The following KCNJ6 variants were observed in gnomAD, a reference collection of about 807,000 sequenced individuals.
KCNJ6 encodes G protein-activated inward rectifier potassium channel 2.
A neutral mutation model predicts 34.2 loss-of-function variants in KCNJ6; 9 were observed. The observed-to-expected ratio is 0.26, with a 90% confidence interval of 0.16 to 0.46. The LOEUF is 0.46. Among genes scored for constraint, KCNJ6 ranks in the 20% least tolerant of loss-of-function variants. The pLI is 1.00. For missense variants in KCNJ6, 236 were observed against 531.3 expected (o/e 0.44, Z 5.46); for synonymous variants, 196 against 207.1 (o/e 0.95, Z 0.46).
intron 2 of KCNJ6, among the ~76,000 whole-genome samples, chr21:37,782,294 A>C (rs1000145041): frequency 1.3e-5 from 2 of 152,144 alleles, no homozygotes; most frequent in Non-Finnish European, 2.9e-5. Flanking sequence ...AGGACTTCTG[A>C]CCTCCAGAAC....
intron 1 of KCNJ6, among the ~76,000 whole-genome samples, chr21:37,899,945 G>T (rs377548895): frequency 5.3e-5 from 8 of 152,320 alleles, no homozygotes; most frequent in African/African-American, 1.9e-4. Flanking sequence ...GTGGCTGGGA[G>T]GCTCAGGTTG....
chr21:37,656,642 C>T (rs1329677689), intron 3 of KCNJ6, among the ~76,000 whole-genome samples: 2 of 152,160 alleles, frequency 1.3e-5, no homozygotes, highest in Non-Finnish European at 1.5e-5. Flanking sequence ...GACACAAGGG[C>T]GATTCTTATC....
At chr21:37,646,404 T>G (rs560113642) in intron 3 of KCNJ6, among the ~76,000 whole-genome samples, 1 of 152,342 alleles carries the variant, frequency 6.6e-6, no homozygotes, top group Non-Finnish European at 1.5e-5. Context: ...TGTAGCTTGT[T>G]ATTATCCCGG....
intron 3 of KCNJ6, among the ~76,000 whole-genome samples, chr21:37,682,673 A>T (rs1004407091): frequency 1.3e-5 from 2 of 152,198 alleles, no homozygotes; most frequent in Non-Finnish European, 2.9e-5. Context: ...CGTTTTTCCT[A>T]TAAGGCCCCA....
At chr21:37,823,066 C>T (rs2055381600) in intron 2 of KCNJ6, among the ~76,000 whole-genome samples, 1 of 152,122 alleles carries the variant, frequency 6.6e-6, no homozygotes, top group East Asian at 1.9e-4. Flanking sequence ...GACAGATTCA[C>T]ATAACCTGTG....
intron 2 of KCNJ6, among the ~76,000 whole-genome samples, chr21:37,832,212 T>C (rs2836001): frequency 0.56 from 85,036 of 151,090 alleles, 24,802 homozygotes; most frequent in South Asian, 0.74. Context: ...TAACTACCTG[T>C]GTGAGTGTGA....
At chr21:37,754,654 T>C (rs930926278) in intron 2 of KCNJ6, among the ~76,000 whole-genome samples, 62 of 152,182 alleles carry the variant, frequency 4.1e-4, no homozygotes, top group African/African-American at 1.4e-3. Context: ...CCAACGCTAA[T>C]GAGCGTGAAA....
chr21:37,727,949 C>G (rs1046481783), intron 2 of KCNJ6, among the ~76,000 whole-genome samples: 1 of 152,166 alleles, frequency 6.6e-6, no homozygotes, highest in Non-Finnish European at 1.5e-5. Flanking sequence ...TCAAGCAAAG[C>G]CTTCTGCATC....
chr21:37,874,692 CTGGGAGGAATGA>C (rs556461179), intron 1 of KCNJ6, among the ~76,000 whole-genome samples: 78 of 152,330 alleles, frequency 5.1e-4, no homozygotes, highest in Middle Eastern at 6.8e-3. Flanking sequence ...CTGATGAACA[CTGGGAGGAATGA>C]TGGGAGGGTG....
At chr21:37,772,902 C>T (rs996511447) in intron 2 of KCNJ6, among the ~76,000 whole-genome samples, 1 of 152,174 alleles carries the variant, frequency 6.6e-6, no homozygotes, top group Non-Finnish European at 1.5e-5. Flanking sequence ...AGCATTAACT[C>T]AACAAGGATA....
chr21:37,801,507 C>T (rs1474388700), intron 2 of KCNJ6, among the ~76,000 whole-genome samples: 2 of 152,228 alleles, frequency 1.3e-5, no homozygotes, highest in Non-Finnish European at 2.9e-5. Flanking sequence ...CCACTTCACC[C>T]TCACGGGCAG....
chr21:37,792,671 G>A (rs976838666), intron 2 of KCNJ6, among the ~76,000 whole-genome samples: 14 of 152,048 alleles, frequency 9.2e-5, no homozygotes, highest in African/African-American at 2.4e-4. Flanking sequence ...AATAAGGAGC[G>A]GGAGTCTCAG....
chr21:37,664,953 G>A (rs1436313138), intron 3 of KCNJ6, among the ~76,000 whole-genome samples: 3 of 151,910 alleles, frequency 2.0e-5, no homozygotes, highest in East Asian at 1.9e-4. Flanking sequence ...CTGCCACCGC[G>A]CCCGGCTAAT....
chr21:37,905,228 T>A (rs1035084542), intron 1 of KCNJ6, among the ~76,000 whole-genome samples: 3 of 152,238 alleles, frequency 2.0e-5, no homozygotes, highest in African/African-American at 7.2e-5. Context: ...GCTTCTTGCC[T>A]TCTGATCAGT....
chr21:37,887,388 T>G (rs2123630646), intron 1 of KCNJ6, among the ~76,000 whole-genome samples: 1 of 152,296 alleles, frequency 6.6e-6, no homozygotes, highest in South Asian at 2.1e-4. Context: ...TTTTCAGTGG[T>G]TGCTATCATG....
intron 2 of KCNJ6, among the ~76,000 whole-genome samples, chr21:37,817,299 T>C (rs189059513): frequency 2.2e-3 from 338 of 152,352 alleles, no homozygotes; most frequent in African/African-American, 5.2e-3. Flanking sequence ...AACAAGTTTC[T>C]TAACCTCTCT....
chr21:37,676,208 G>A (rs914572482), intron 3 of KCNJ6, among the ~76,000 whole-genome samples: 62 of 152,330 alleles, frequency 4.1e-4, no homozygotes, highest in African/African-American at 1.5e-3. Flanking sequence ...GTGGCTTGGG[G>A]ACTGACCTTT....
intron 3 of KCNJ6, among the ~76,000 whole-genome samples, chr21:37,667,818 A>G (rs73203809): frequency 0.098 from 14,908 of 152,022 alleles, 903 homozygotes; most frequent in Non-Finnish European, 0.14. Flanking sequence ...GGGGGACAAA[A>G]CTTGCCCTTG....
At chr21:37,861,361 T>C (rs2123602512) in intron 1 of KCNJ6, among the ~76,000 whole-genome samples, 1 of 152,306 alleles carries the variant, frequency 6.6e-6, no homozygotes, top group African/African-American at 2.4e-5. Context: ...TATAGGGTTG[T>C]CCCTCTGTGT....
Sources: allele counts gnomAD v4.1 joint callset (sites outside exome capture counted in the v4.1 genomes callset), GRCh38; gene constraint gnomAD v4.1.1; transcripts MANE v1.5; gene names NCBI Gene and HGNC (gene_info 2026-07-23, HGNC 2026-07-21).